The following SNTG1 variants were observed in gnomAD, a reference collection of about 807,000 sequenced individuals.
SNTG1 encodes the protein syntrophin gamma 1, also known as gamma-1-syntrophin.
Under a neutral mutation model 74.7 loss-of-function variants are expected in SNTG1, and 39 were observed. The ratio of observed to expected loss-of-function variants is 0.52; its 90% confidence interval spans 0.40 to 0.68. SNTG1 has a LOEUF of 0.68. Ranked by LOEUF, SNTG1 falls within the 30% of genes least tolerant of loss-of-function variation. The pLI, the probability that SNTG1 is intolerant of heterozygous loss-of-function variation, is 0.00. For synonymous variants in SNTG1, 254 were observed against 217.1 expected, an observed-to-expected ratio of 1.17 and a Z score of -1.49; for missense variants, 685 against 609.5, an observed-to-expected ratio of 1.12 and a Z score of -1.30.
intron 1 of SNTG1, among the ~76,000 whole-genome samples, chr8:50,082,542 A>G (rs1822504694): frequency 6.6e-6 from 1 of 152,090 alleles, no homozygotes; most frequent in South Asian, 2.1e-4. Flanking sequence ...TTCCTACGTA[A>G]CTGGTCATCT....
At chr8:50,773,836 TGGTCTAAATGA>T (rs1191632776) in intron 18 of SNTG1, among the ~76,000 whole-genome samples, 3 of 152,144 alleles carry the variant, frequency 2.0e-5, no homozygotes, top group Non-Finnish European at 4.4e-5. Flanking sequence ...ATATATTAAC[TGGTCTAAATGA>T]AGCTATGCCC....
At chr8:50,026,579 G>T (rs898051028) in intron 1 of SNTG1, among the ~76,000 whole-genome samples, 11 of 152,074 alleles carry the variant, frequency 7.2e-5, no homozygotes, top group Admixed American at 3.9e-4. Context: ...ATGAGTTTAA[G>T]GATGGTTCAA....
intron 8 of SNTG1, among the ~76,000 whole-genome samples, chr8:50,502,015 A>ATT (rs1585484244): frequency 1.3e-5 from 2 of 152,120 alleles, no homozygotes; most frequent in East Asian, 3.9e-4. Context: ...AAATTTTAAA[A>ATT]TTTGCACATG....
rs1325386504 is a variant in SNTG1 at position 50,399,124 on chromosome 8, C to T, written c.28-3086C>T. Among the ~76,000 whole-genome samples the T allele has an allele frequency of 2.0e-5, 3 of 152,138 alleles. No homozygotes were observed. The East Asian group carries it at 5.8e-4, about 29-fold the overall frequency. On this transcript the variant is annotated intron_variant, in intron 3 of 18. Transcript: ENST00000642720. ...GGTAGAACATGTGTAATATCTGTAA[C>T]CTCTGGAAATGTATTTTAACTGATC...
chr8:50,505,942 G>C (rs1171919649), intron 9 of SNTG1, among the ~76,000 whole-genome samples: 2 of 151,972 alleles, frequency 1.3e-5, no homozygotes, highest in Non-Finnish European at 2.9e-5. Context: ...ATGTCATAAA[G>C]ATTTTTCTCT....
intron 1 of SNTG1, among the ~76,000 whole-genome samples, chr8:50,036,466 C>T (rs1434360885): frequency 1.3e-5 from 2 of 152,156 alleles, no homozygotes; most frequent in Non-Finnish European, 2.9e-5. Context: ...CAGGAAGCCA[C>T]CACAGTCTGG....
At chr8:50,654,988 G>A (rs368566740) in intron 13 of SNTG1, among the ~76,000 whole-genome samples, 4 of 152,180 alleles carry the variant, frequency 2.6e-5, no homozygotes, top group East Asian at 3.9e-4. Context: ...ATTCTCTCAT[G>A]TGACATTTCC....
chr8:49,988,500 T>C (rs1282720700), intron 1 of SNTG1, among the ~76,000 whole-genome samples: 3 of 152,100 alleles, frequency 2.0e-5, no homozygotes, highest in African/African-American at 7.2e-5. Flanking sequence ...ATTTTGGAGT[T>C]AAAAAGCACA....
intron 4 of SNTG1, among the ~76,000 whole-genome samples, chr8:50,429,084 A>C (rs1377149309): frequency 6.6e-6 from 1 of 151,602 alleles, no homozygotes; most frequent in African/African-American, 2.4e-5. Context: ...AAATTGATCT[A>C]CATTATAAAT....
At chr8:50,669,491 G>A (rs966651304) in intron 15 of SNTG1, among the ~76,000 whole-genome samples, 3 of 152,078 alleles carry the variant, frequency 2.0e-5, no homozygotes, top group South Asian at 2.1e-4. Context: ...ACTAAACCAG[G>A]AAGAAGTTGA....
chr8:50,330,997 A>G (rs1416203173), intron 2 of SNTG1, among the ~76,000 whole-genome samples: 1 of 152,210 alleles, frequency 6.6e-6, no homozygotes, highest in East Asian at 1.9e-4. Flanking sequence ...GAAACAGGAT[A>G]TAATTCTTTT....
chr8:50,402,258 A>C lies in SNTG1; in HGVS notation c.76A>C (p.Lys26Gln), dbSNP rs35384568. The C allele has an allele frequency of 3.2e-4, 514 of 1,613,276 alleles. 2 individuals are homozygous for C. In the African/African-American group the frequency reaches 5.1e-3, roughly 16 times the overall value. ...GCAGGATGGTAACCAGGAGCCTTTC[A>C]AAGTGCGGCTGCACCTAGCCAAAGA... ...LLQDGNQEPF[K>Q]VRLHLAKDIL... is the part of the protein sequence containing the mutation. The change falls in exon 4 of 19, where the codon AAA becomes CAA. Residue 26 changes from lysine to glutamine, a missense_variant. By Grantham distance (53) the Lys-to-Gln change is moderately conservative. Coordinates refer to ENST00000642720, the MANE Select transcript of SNTG1 (RefSeq NM_018967.5).
At chr8:50,097,937 CAT>C (rs1245545007) in intron 1 of SNTG1, among the ~76,000 whole-genome samples, 1 of 152,106 alleles carries the variant, frequency 6.6e-6, no homozygotes, top group Non-Finnish European at 1.5e-5. Flanking sequence ...GCTTAGTTTA[CAT>C]ATGTCTTTTT....
At chr8:50,383,219 A>C (rs1309287615) in intron 2 of SNTG1, among the ~76,000 whole-genome samples, 1 of 152,178 alleles carries the variant, frequency 6.6e-6, no homozygotes, top group Non-Finnish European at 1.5e-5. Flanking sequence ...AACCATCACA[A>C]AGTCATCCTT....
At position 50,235,196 on chromosome 8, in the gene SNTG1, G is replaced by A. The variant is rs564183356; in HGVS notation, c.-28+62561G>A. Among the ~76,000 whole-genome samples, 12 of 152,176 alleles carry A rather than the reference G, an allele frequency of 7.9e-5. No homozygotes were observed. In the South Asian group the frequency reaches 1.0e-3, roughly 13 times the overall value. ...TAGCCAAGACATGGAAGTAACATAC[G>A]TGACCACCAACAAATGAATGGATAA... On this transcript the variant is annotated intron_variant, in intron 2 of 18. Coordinates refer to ENST00000642720, the MANE Select transcript of SNTG1 (RefSeq NM_018967.5).
intron 2 of SNTG1, among the ~76,000 whole-genome samples, chr8:50,207,528 A>G (rs574051526): frequency 3.3e-5 from 5 of 152,044 alleles, no homozygotes; most frequent in Non-Finnish European, 7.4e-5. Flanking sequence ...TCCTAGATTC[A>G]TTGATTTTTT....
At chr8:50,460,609 C>T (rs1302591785) in intron 8 of SNTG1, among the ~76,000 whole-genome samples, 3 of 152,032 alleles carry the variant, frequency 2.0e-5, no homozygotes, top group African/African-American at 7.2e-5. Flanking sequence ...AGGATACTTA[C>T]AGTTCGATGT....
intron 11 of SNTG1, among the ~76,000 whole-genome samples, chr8:50,546,991 C>T (rs552031074): frequency 6.6e-6 from 1 of 152,214 alleles, no homozygotes; most frequent in African/African-American, 2.4e-5. Context: ...CCATGTTGGC[C>T]AGGCTGGTCT....
chr8:50,106,056 T>G (rs2080357914), intron 1 of SNTG1, among the ~76,000 whole-genome samples: 1 of 152,156 alleles, frequency 6.6e-6, no homozygotes, highest in South Asian at 2.1e-4. Context: ...AGCTAGGACT[T>G]CCAGTATGTA....
Sources: gnomAD v4.1 joint callset for allele counts (sites outside exome capture counted in the v4.1 genomes callset) on GRCh38, gnomAD v4.1.1 for gene constraint, MANE v1.5 for transcripts, NCBI Gene and HGNC (gene_info 2026-07-23, HGNC 2026-07-21) for gene names.